GRIN2A: variants seen among roughly 807,000 people sequenced by gnomAD.
The protein encoded by GRIN2A is glutamate receptor ionotropic, NMDA 2A.
A neutral mutation model predicts 113.4 loss-of-function variants in GRIN2A; 22 were observed. The observed-to-expected ratio is 0.19, with a 90% CI of 0.14 to 0.28. GRIN2A has a LOEUF of 0.28. Ranked by LOEUF, GRIN2A falls within the 10% of genes least tolerant of loss-of-function variation. The probability of loss-of-function intolerance (pLI) is 1.00; values close to 1 mark genes in which losing one functional copy is unlikely to be tolerated. For synonymous variants in GRIN2A, 827 were observed against 738.4 expected (o/e 1.12, Z -1.94); for missense variants, 1,502 against 1,887.0 (o/e 0.80, Z 3.78).
chr16:9,798,157 A>C, intron 11 of GRIN2A, 120 bp downstream of exon 11: 1 of 799,270 alleles, frequency 1.3e-6, no homozygotes, highest in Non-Finnish European at 2.1e-6. Context: ...ACAGGAACTC[A>C]GTAAATATTT....
intron 3 of GRIN2A, among the ~76,000 whole-genome samples, chr16:9,926,610 T>C (rs906577771): frequency 6.6e-6 from 1 of 152,142 alleles, no homozygotes; most frequent in African/African-American, 2.4e-5. Flanking sequence ...AGTTCTTGTT[T>C]TGGAAATAAA....
At chr16:9,962,887 A>G (rs1365464848) in intron 2 of GRIN2A, among the ~76,000 whole-genome samples, 4 of 152,088 alleles carry the variant, frequency 2.6e-5, no homozygotes, top group Non-Finnish European at 4.4e-5. Context: ...TCCAACAATG[A>G]TAGACTGGTT....
Position 9,754,235 on chromosome 16 carries a change from GTTTATGC to G in GRIN2A, c.*8907_*8913del, listed in dbSNP as rs1177579263. 1 of 194,284 alleles carries G rather than the reference GTTTATGC, an allele frequency of 5.1e-6. No homozygotes were observed. The highest frequency in any genetic ancestry group is 1.1e-5 in the Non-Finnish European group (1 of 93,460). 12.0% of individuals were successfully genotyped at this position (194,284 alleles called of 1,614,324 possible). On this transcript the variant is annotated 3_prime_UTR_variant, in exon 13 of 13. Transcript: ENST00000330684. ...TGAATTCTGCCAATTAATTCAGCAG[GTTTATGC>G]TTTTAAATTTGTTTTGGCAGGGGAA...
At chr16:9,963,007 A>G (rs1225371947) in intron 2 of GRIN2A, among the ~76,000 whole-genome samples, 1 of 151,524 alleles carries the variant, frequency 6.6e-6, no homozygotes, top group African/African-American at 2.4e-5. Flanking sequence ...CACTCTCAGC[A>G]AACTATCGCA....
intron 2 of GRIN2A, among the ~76,000 whole-genome samples, chr16:10,041,640 G>T (rs932983480): frequency 6.6e-6 from 1 of 152,126 alleles, no homozygotes; most frequent in Non-Finnish European, 1.5e-5. Flanking sequence ...AATATTGCCT[G>T]TCTCCCAGGG....
At chr16:10,077,286 G>A (rs2047891095) in intron 2 of GRIN2A, among the ~76,000 whole-genome samples, 1 of 152,300 alleles carries the variant, frequency 6.6e-6, no homozygotes, top group Middle Eastern at 3.4e-3. Flanking sequence ...TGTTATAGCA[G>A]CAAAGGGAAA....
At chr16:9,956,990 T>A (rs1219796162) in intron 2 of GRIN2A, among the ~76,000 whole-genome samples, 1 of 152,198 alleles carries the variant, frequency 6.6e-6, no homozygotes, top group African/African-American at 2.4e-5. Context: ...GAAGAGGCTA[T>A]TACCTTCCTC....
chr16:10,117,378 T>C (rs189081901), intron 2 of GRIN2A, among the ~76,000 whole-genome samples: 1 of 152,356 alleles, frequency 6.6e-6, no homozygotes, highest in East Asian at 1.9e-4. Context: ...AATAATCTAC[T>C]GTGGGTGGCG....
At chr16:9,850,941 C>T (rs1191536845) in intron 4 of GRIN2A, among the ~76,000 whole-genome samples, 3 of 152,160 alleles carry the variant, frequency 2.0e-5, no homozygotes, top group African/African-American at 7.2e-5. Flanking sequence ...CTCCTGCTCC[C>T]ACACGCCATT....
chr16:9,962,744 C>T (rs1445540909), intron 2 of GRIN2A, among the ~76,000 whole-genome samples: 1 of 152,058 alleles, frequency 6.6e-6, no homozygotes, highest in African/African-American at 2.4e-5. Flanking sequence ...CTAGAAATAC[C>T]ATTTGACCCA....
chr16:9,994,104 G>A (rs3848326), intron 2 of GRIN2A, among the ~76,000 whole-genome samples: 5 of 152,098 alleles, frequency 3.3e-5, no homozygotes, highest in Admixed American at 6.5e-5. Flanking sequence ...TGGCACAAAC[G>A]CTCGGAAGTA....
chr16:10,147,487 G>A (rs1386470305), intron 2 of GRIN2A, among the ~76,000 whole-genome samples: 1 of 147,504 alleles, frequency 6.8e-6, no homozygotes, highest in Non-Finnish European at 1.5e-5. Context: ...AAATAGCCAG[G>A]CATGCAGGCA....
intron 2 of GRIN2A, among the ~76,000 whole-genome samples, chr16:9,993,096 G>T (rs2046154664): frequency 6.6e-6 from 1 of 151,818 alleles, no homozygotes; most frequent in African/African-American, 2.4e-5. Flanking sequence ...CAGGTATGGT[G>T]GTGCACGTCT....
rs1326170189 is a variant in GRIN2A, at chr16:9,807,441, GAC to G, written c.2169-8979_2169-8978del. Among the ~76,000 whole-genome samples the G allele has an allele frequency of 2.7e-5, 4 of 150,158 alleles. No individual in the cohort carries two copies. The East Asian group carries it at 7.9e-4, about 30-fold the overall frequency. On this transcript the variant is annotated intron_variant, in intron 10 of 12. Transcript: ENST00000330684. ...AGAGACAGAGAGAAAGAGAGACAGA[GAC>G]AGAGAGAGAGAGAAAGAGAAAGAAT...
At chr16:10,044,022 T>TATATAGAGAGAGAGAGAGAGAGAG (rs531659457) in intron 2 of GRIN2A, among the ~76,000 whole-genome samples, 1 of 107,984 alleles carries the variant, frequency 9.3e-6, no homozygotes, top group African/African-American at 3.9e-5. Flanking sequence ...TATATATATA[T>TATATAGAGAGAGAGAGAGAGAGAG]AGAGAGAGAG....
chr16:10,074,107 C>T (rs2047820301), intron 2 of GRIN2A, among the ~76,000 whole-genome samples: 1 of 152,100 alleles, frequency 6.6e-6, no homozygotes. Flanking sequence ...TACAAACAGC[C>T]ACTAAGCACA....
chr16:10,098,926 TCCCCC>T (rs2048344570), intron 2 of GRIN2A, among the ~76,000 whole-genome samples: 1 of 136,606 alleles, frequency 7.3e-6, no homozygotes. Context: ...ATACCTACTG[TCCCCC>T]CTCCCCCCCC....
intron 2 of GRIN2A, among the ~76,000 whole-genome samples, chr16:10,159,683 T>C (rs1280398930): frequency 6.6e-6 from 1 of 152,176 alleles, no homozygotes; most frequent in East Asian, 1.9e-4. Flanking sequence ...AGGAAGAAGA[T>C]ACACTATAAA....
intron 2 of GRIN2A, among the ~76,000 whole-genome samples, chr16:10,065,894 G>A (rs551173638): frequency 6.6e-6 from 1 of 152,246 alleles, no homozygotes; most frequent in African/African-American, 2.4e-5. Context: ...ACGGTCTCAG[G>A]GTGATAGATA....
Sources: allele counts gnomAD v4.1 joint callset (sites outside exome capture counted in the v4.1 genomes callset), GRCh38; gene constraint gnomAD v4.1.1; transcripts MANE v1.5; gene names NCBI Gene and HGNC (gene_info 2026-07-23, HGNC 2026-07-21).